The following USP25 variants were observed in gnomAD, a reference collection of about 807,000 sequenced individuals.
USP25 encodes the protein ubiquitin carboxyl-terminal hydrolase 25.
Under a neutral mutation model 158.5 loss-of-function variants are expected in USP25, and 85 were observed. The observed-to-expected ratio is 0.54, with a 90% CI of 0.45 to 0.64. The LOEUF (loss-of-function observed/expected upper bound fraction) is 0.64, where lower values mean the gene tolerates loss of function less well. Ranked by LOEUF, USP25 falls within the 30% of genes least tolerant of loss-of-function variation. USP25 has a pLI of 0.00. For synonymous variants in USP25, 464 were observed against 460.4 expected, an observed-to-expected ratio of 1.01 and a Z score of -0.10; for missense variants, 1,242 against 1,327.3, an observed-to-expected ratio of 0.94 and a Z score of 1.00.
At chr21:15,860,453 C>T (rs1601158902) in intron 20 of USP25, among the ~76,000 whole-genome samples, 4 of 152,248 alleles carry the variant, frequency 2.6e-5, no homozygotes, top group Non-Finnish European at 5.9e-5. Flanking sequence ...CTGTGCCTGG[C>T]CTGGAAATTT....
intron 23 of USP25, among the ~76,000 whole-genome samples, chr21:15,870,910 C>G (rs905546921): frequency 2.0e-5 from 3 of 152,092 alleles, no homozygotes; most frequent in Non-Finnish European, 4.4e-5. Context: ...CTATGCTGTC[C>G]AACATAGCGG....
In USP25 at chr21:15,826,195, G is replaced by T; in HGVS notation, c.1305-9G>T. 6.2e-7 allele frequency: 1 copy of T among 1,613,202 alleles called. No individual in the cohort carries two copies. The highest frequency in any genetic ancestry group is 1.1e-5 in the South Asian group (1 of 90,950). On this transcript the variant is annotated splice_polypyrimidine_tract_variant and intron_variant, in intron 12 of 25. Coordinates refer to ENST00000400183, the MANE Select transcript of USP25 (RefSeq NM_001283041.3). This position sits in a 1 kb window ranked among gnomAD's most constrained non-coding sequence, Gnocchi z 4.8. The stretch of plus-strand genomic sequence containing the variant: ...AAATAAAAGCATTTGTACATTTTAT[G>T]ATTAACAGATATTTAAGCTATGGTT...
intron 1 of USP25, among the ~76,000 whole-genome samples, chr21:15,734,294 A>G (rs987810102): frequency 1.3e-5 from 2 of 152,204 alleles, no homozygotes; most frequent in Admixed American, 6.5e-5. Context: ...ACTTAAAATA[A>G]CATGTATTTT....
intron 1 of USP25, among the ~76,000 whole-genome samples, chr21:15,746,167 A>G (rs2032542071): frequency 6.6e-6 from 1 of 152,184 alleles, no homozygotes; most frequent in Non-Finnish European, 1.5e-5. Flanking sequence ...TGGCTATTCT[A>G]GAATTTTTTG....
At chr21:15,836,988 C>T (rs1211828955) in intron 17 of USP25, among the ~76,000 whole-genome samples, 9 of 110,302 alleles carry the variant, frequency 8.2e-5, no homozygotes, top group Non-Finnish European at 1.5e-4. Context: ...GCCAGCCATC[C>T]TTTGCTGTCA....
At chr21:15,752,085 C>T (rs1293061744) in intron 1 of USP25, among the ~76,000 whole-genome samples, 1 of 152,148 alleles carries the variant, frequency 6.6e-6, no homozygotes, top group Non-Finnish European at 1.5e-5. Flanking sequence ...AGGCATGCGC[C>T]ACCACGCCTG....
intron 20 of USP25, among the ~76,000 whole-genome samples, chr21:15,862,285 A>G (rs993787729): frequency 3.9e-5 from 6 of 152,134 alleles, no homozygotes; most frequent in Admixed American, 1.3e-4. Flanking sequence ...TTGAGTGCCA[A>G]CATGATACTC....
At position 15,831,395 on chromosome 21, in the gene USP25, AT is replaced by A; in HGVS notation, c.1765-3del. On this transcript the variant is annotated splice_polypyrimidine_tract_variant and splice_region_variant and intron_variant, in intron 15 of 25. Transcript: ENST00000400183. ...GCAGTTTAACTCTTCTTTTTTTCAC[AT>A]TTAGGTTCCTTATCGATTACATGCC... 1 of 1,613,202 alleles carries A rather than the reference AT, an allele frequency of 6.2e-7. No homozygotes were observed. The highest frequency in any genetic ancestry group is 1.7e-5 in the Admixed American group (1 of 59,944).
At chr21:15,795,663 G>C (rs2035825958) in intron 5 of USP25, among the ~76,000 whole-genome samples, 1 of 151,466 alleles carries the variant, frequency 6.6e-6, no homozygotes, top group Non-Finnish European at 1.5e-5. Context: ...TTTGTACTGT[G>C]ACATACAATT....
Position 15,846,154 on chromosome 21 carries a change from ATATATTTTT to A in USP25, c.2338-1507_2338-1499del, listed in dbSNP as rs1170985899. 3.0e-4 allele frequency among the ~76,000 whole-genome samples: 13 copies of A among 43,520 alleles called. No homozygotes were observed. The South Asian group carries it at 6.6e-3, about 22-fold the overall frequency. The allele number at this position is 43,520 out of a possible 152,430, so 28.6% of individuals were successfully genotyped here. On this transcript the variant is annotated intron_variant, in intron 18 of 25. Coordinates refer to ENST00000400183, the MANE Select transcript of USP25 (RefSeq NM_001283041.3). ...TATATATATATATATATATATATAT[ATATATTTTT>A]TTTTTTTTTTTTTTTTTGAGACAGA...
At chr21:15,746,120 T>C (rs1568752462) in intron 1 of USP25, among the ~76,000 whole-genome samples, 1 of 152,252 alleles carries the variant, frequency 6.6e-6, no homozygotes, top group Non-Finnish European at 1.5e-5. Context: ...TGGGTGAATG[T>C]AAATTCTTCA....
chr21:15,872,781 A>G (rs2088776447), intron 23 of USP25, among the ~76,000 whole-genome samples: 1 of 152,168 alleles, frequency 6.6e-6, no homozygotes, highest in Non-Finnish European at 1.5e-5. Context: ...TTTTTAAATA[A>G]TTTTACATTT....
intron 4 of USP25, among the ~76,000 whole-genome samples, chr21:15,781,290 T>C (rs1360322575): frequency 6.6e-6 from 1 of 152,220 alleles, no homozygotes; most frequent in South Asian, 2.1e-4. Context: ...GTAGAGTTCC[T>C]TAATTTGTAC....
Position 15,842,635 on chromosome 21 carries a change from C to T in USP25, c.2337+95C>T, listed in dbSNP as rs188561019. The T allele has an allele frequency of 3.5e-4, 505 of 1,463,164 alleles. No homozygotes were observed. The African/African-American group carries it at 5.2e-3, about 15-fold the overall frequency. The allele number at this position is 1,463,164 out of a possible 1,614,324, so 90.6% of individuals were successfully genotyped here. A position where few individuals can be genotyped will look rare whatever the true frequency, so the allele number is the denominator to read the frequency against. On this transcript the variant is annotated intron_variant, in intron 18 of 25. Coordinates refer to ENST00000400183, the MANE Select transcript of USP25 (RefSeq NM_001283041.3). ...GGACCTGTCAGGGAGTCAGGAGAGA[C>T]GGGGCCCAGTGATGGCTCTGCCATG...
chr21:15,850,189 G>T (rs1438139230), intron 20 of USP25, among the ~76,000 whole-genome samples: 2 of 152,052 alleles, frequency 1.3e-5, no homozygotes, highest in Non-Finnish European at 1.5e-5. Context: ...ACAATAATAA[G>T]AACTGAGTAA....
intron 1 of USP25, among the ~76,000 whole-genome samples, chr21:15,762,638 C>T (rs1196167760): frequency 6.6e-6 from 1 of 152,036 alleles, no homozygotes; most frequent in Non-Finnish European, 1.5e-5. Context: ...TTCAGTAAGA[C>T]TTATTGGGGA....
At chr21:15,812,265 T>C (rs1320969726) in intron 9 of USP25, among the ~76,000 whole-genome samples, 3 of 152,114 alleles carry the variant, frequency 2.0e-5, no homozygotes, top group African/African-American at 7.2e-5. Context: ...GTAGGTCTCA[T>C]CAGGTCATGA....
chr21:15,789,899 T>TA (rs1261496800), intron 4 of USP25, among the ~76,000 whole-genome samples: 2 of 152,120 alleles, frequency 1.3e-5, no homozygotes, highest in African/African-American at 4.8e-5. Flanking sequence ...AGTTACTTTT[T>TA]ATATACTGTG....
At chr21:15,840,058 C>T (rs1434331291) in intron 17 of USP25, among the ~76,000 whole-genome samples, 3 of 152,082 alleles carry the variant, frequency 2.0e-5, no homozygotes, top group Non-Finnish European at 4.4e-5. Context: ...TATATTTTGG[C>T]TTGCCTTCCA....
Sources: gnomAD v4.1 joint callset for allele counts (sites outside exome capture counted in the v4.1 genomes callset) on GRCh38, gnomAD v4.1.1 for gene constraint, Gnocchi (gnomAD v3.1) non-coding constraint, MANE v1.5 for transcripts, NCBI Gene and HGNC (gene_info 2026-07-23, HGNC 2026-07-21) for gene names.